ORC3: variants seen among roughly 807,000 people sequenced by gnomAD.
ORC3 encodes origin recognition complex subunit 3.
A neutral mutation model predicts 100.7 loss-of-function variants in ORC3; 78 were observed. The ratio of observed to expected loss-of-function variants is 0.77; its 90% CI spans 0.65 to 0.94. ORC3 has a LOEUF of 0.94. ORC3 is among the 40% of genes least tolerant of loss of function. The pLI is 0.00. For synonymous variants in ORC3, 295 were observed against 289.3 expected, an observed-to-expected ratio of 1.02 and a Z score of -0.20; for missense variants, 789 against 823.9, an observed-to-expected ratio of 0.96 and a Z score of 0.52.
rs1172495615 is a variant in ORC3 at position 87,590,150 on chromosome 6, A to G, written c.-19A>G. On this transcript the variant is annotated 5_prime_UTR_variant, in exon 1 of 20. The change creates a new upstream start codon in the 5' untranslated region. Transcript: ENST00000392844. Reference sequence around the variant, plus strand: ...GGGAAATCCCGAGTGCATCTGGAATACGCAGAGTCAGTAAGACCATGGCTA... The same window carrying G: ...GGGAAATCCCGAGTGCATCTGGAATGCGCAGAGTCAGTAAGACCATGGCTA... 1 of 1,613,984 alleles carries G rather than the reference A, an allele frequency of 6.2e-7. No homozygotes were observed. The highest frequency in any genetic ancestry group is 8.5e-7 in the Non-Finnish European group (1 of 1,179,920).
rs1323983927 is a variant in ORC3, at chr6:87,594,422, T to G, written c.79+15T>G. The G allele has an allele frequency of 1.3e-6, 2 of 1,554,840 alleles. No homozygotes were observed. On this transcript the variant is annotated intron_variant, in intron 2 of 19. Coordinates refer to ENST00000392844, the MANE Select transcript of ORC3 (RefSeq NM_012381.4). ...TCTGCCAATAGGTAAGGTGTCTGAA[T>G]ATTAAATTTTTTATTCCCTACCTTC...
At position 87,609,225 on chromosome 6, in the gene ORC3, A is replaced by T. The variant is rs1778569814; in HGVS notation, c.709A>T (p.Ser237Cys). 1 of 1,592,238 alleles carries T rather than the reference A, an allele frequency of 6.3e-7. No individual in the cohort carries two copies. Among genetic ancestry groups the T allele is most frequent in the African/African-American group, 1.4e-5 (1 of 73,764 alleles). ...TKVLQDFIIISSQHLHEFPLI... is the reference protein window; with the variant it reads ...TKVLQDFIIICSQHLHEFPLI... ...AGTACTACAAGACTTCATAATTATC[A>T]GCAGGTAGATGGTGTATTACCTGGC... Residue 237 changes from serine (S) to cysteine (C), a missense_variant, in exon 7 of 20, where the codon AGC becomes TGC. Coordinates refer to ENST00000392844, the MANE Select transcript of ORC3 (RefSeq NM_012381.4).
rs397935596 is a variant in ORC3, at chr6:87,602,954, A to AATATATATATATAT, written c.178-426_178-413dup. Among the ~76,000 whole-genome samples the AATATATATATATAT allele has an allele frequency of 6.7e-3, 638 of 95,038 alleles. 22 individuals are homozygous for AATATATATATATAT. The highest frequency in any genetic ancestry group is 0.015 in the South Asian group (46 of 2,980). 62.3% of individuals were successfully genotyped at this position (95,038 alleles called of 152,430 possible). On this transcript the variant is annotated intron_variant, in intron 3 of 19. Transcript: ENST00000392844. ...CGTTTATATATATATACACATATAT[A>AATATATATATATAT]ATATATATATATATATACATATATA...
At chr6:87,665,246 GA>G (rs374632969) in intron 18 of ORC3, among the ~76,000 whole-genome samples, 4 of 152,238 alleles carry the variant, frequency 2.6e-5, no homozygotes, top group African/African-American at 9.6e-5. Context: ...AAAAAAAATT[GA>G]AGTAACTACA....
At chr6:87,677,677 A>T in the ORC3 span, 1 of 1,026,274 alleles carries the variant, frequency 9.7e-7, no homozygotes, top group Non-Finnish European at 1.4e-6. Flanking sequence ...TAAGAAGGTT[A>T]ATTTTCTTTC....
chr6:87,663,132 C>CT lies in ORC3; in HGVS notation c.1822dup (p.Tyr608LeufsTer6). On this transcript the variant is annotated frameshift_variant, in exon 17 of 20. Coordinates refer to ENST00000392844, the MANE Select transcript of ORC3 (RefSeq NM_012381.4). LOFTEE classifies it high-confidence loss of function. ...TCCATACTGCACTCAACAATCCTTA[C>CT]TATTATCTCAAGGTAAGATGAACAT... 6.2e-7 allele frequency: 1 copy of CT among 1,610,702 alleles called. No homozygotes were observed. Among genetic ancestry groups the CT allele is most frequent in the Non-Finnish European group, 8.5e-7 (1 of 1,177,710 alleles).
At chr6:87,649,906 A>T (rs745594975) in intron 13 of ORC3, among the ~76,000 whole-genome samples, 1 of 152,106 alleles carries the variant, frequency 6.6e-6, no homozygotes, top group Non-Finnish European at 1.5e-5. Flanking sequence ...CATATATTAT[A>T]ATGTGTATTG....
At chr6:87,635,658 G>A (rs904391464) in intron 12 of ORC3, among the ~76,000 whole-genome samples, 5 of 151,826 alleles carry the variant, frequency 3.3e-5, no homozygotes, top group South Asian at 2.1e-4. Context: ...TTAGCCCGGC[G>A]TGGTGGCACA....
At position 87,633,093 on chromosome 6, in the gene ORC3, TACTC is replaced by T. The variant is rs1223355276; in HGVS notation, c.1186-1748_1186-1745del. ...CTTATCCAAGTAAATGGAATGAAGA[TACTC>T]ACTTCTACTGCATCACCCAGATACT... On this transcript the variant is annotated intron_variant, in intron 11 of 19. Coordinates refer to ENST00000392844, the MANE Select transcript of ORC3 (RefSeq NM_012381.4). Among the ~76,000 whole-genome samples the T allele has an allele frequency of 3.9e-5, 6 of 152,322 alleles. No homozygotes were observed. The East Asian group carries it at 9.6e-4, about 24-fold the overall frequency.
chr6:87,621,450 C>G lies in ORC3; in HGVS notation c.1084C>G (p.Gln362Glu), dbSNP rs772598039. ...AAGAATAAATTTTTTATCAAATAAT[C>G]AATGTGAAAACATCCGACGTCTACC... ...KRRINFLSNN[Q>E]CENIRRLPSF... Residue 362 changes from glutamine (Q) to glutamate (E), a missense_variant, in exon 10 of 20, where the codon CAA becomes GAA. Coordinates refer to ENST00000392844, the MANE Select transcript of ORC3 (RefSeq NM_012381.4). The G allele has an allele frequency of 2.5e-6, 4 of 1,602,442 alleles. No individual in the cohort carries two copies. In the South Asian group the frequency reaches 4.5e-5, roughly 18 times the overall value.
At chr6:87,608,072 C>T (rs916497096) in intron 6 of ORC3, among the ~76,000 whole-genome samples, 1 of 152,070 alleles carries the variant, frequency 6.6e-6, no homozygotes, top group African/African-American at 2.4e-5. Context: ...TGGAGAATGT[C>T]CTCTAATGAC....
At chr6:87,619,500 G>A (rs892948955) in intron 9 of ORC3, among the ~76,000 whole-genome samples, 7 of 152,146 alleles carry the variant, frequency 4.6e-5, no homozygotes, top group African/African-American at 1.2e-4. Flanking sequence ...TCCGTCTCCC[G>A]ATTTCAAGTG....
intron 10 of ORC3, 70 bp downstream of exon 10, chr6:87,621,557 C>A: frequency 1.9e-6 from 2 of 1,030,498 alleles, no homozygotes; most frequent in Non-Finnish European, 2.7e-6. Flanking sequence ...ATCTCAGATC[C>A]AGTTATTTCT....
chr6:87,607,584 A>T (rs1778434073), intron 5 of ORC3, 89 bp from the exon 6 acceptor site: 2 of 930,080 alleles, frequency 2.2e-6, no homozygotes, highest in Admixed American at 2.9e-5. Flanking sequence ...CAAAAAAAAA[A>T]GTAATACACT....
At chr6:87,603,237 A>C in intron 3 of ORC3, 147 bp from the exon 4 acceptor site, 1 of 444,352 alleles carries the variant, frequency 2.3e-6, no homozygotes, top group Non-Finnish European at 3.9e-6. Flanking sequence ...ACTAATTACT[A>C]GAGATTTAAG....
intron 2 of ORC3, among the ~76,000 whole-genome samples, chr6:87,601,015 A>T (rs750547059): frequency 5.9e-5 from 9 of 152,252 alleles, no homozygotes; most frequent in Non-Finnish European, 1.3e-4. Context: ...CAAAAAGGAT[A>T]CAAAAATATA....
intron 6 of ORC3, 121 bp from the exon 7 acceptor site, chr6:87,608,975 G>T (rs781013754): frequency 1.4e-6 from 1 of 718,554 alleles, no homozygotes. Context: ...TCGTGTGGTA[G>T]AAAAAAAATA....
chr6:87,642,157 G>A (rs919310919), intron 13 of ORC3, among the ~76,000 whole-genome samples: 3 of 152,086 alleles, frequency 2.0e-5, no homozygotes, highest in Non-Finnish European at 2.9e-5. Context: ...GTATATGAGC[G>A]TGGTGGTGCA....
intron 9 of ORC3, among the ~76,000 whole-genome samples, chr6:87,617,302 A>C (rs1779226632): frequency 6.6e-6 from 1 of 152,182 alleles, no homozygotes; most frequent in Admixed American, 6.5e-5. Context: ...TAATTCAGGA[A>C]TTTAGCTTCA....
Sources: allele counts gnomAD v4.1 joint callset (sites outside exome capture counted in the v4.1 genomes callset), GRCh38; gene constraint gnomAD v4.1.1; transcripts MANE v1.5; gene names NCBI Gene and HGNC (gene_info 2026-07-23, HGNC 2026-07-21).